The following CARMIL1 variants were observed in gnomAD, a reference collection of about 807,000 sequenced individuals.
CARMIL1 encodes capping protein regulator and myosin 1 linker 1, also known as F-actin-uncapping protein LRRC16A.
CARMIL1 carries 90 observed loss-of-function variants against 177.1 expected under a neutral mutation model. The ratio of observed to expected loss-of-function variants is 0.51; its 90% CI spans 0.43 to 0.61. The LOEUF (loss-of-function observed/expected upper bound fraction) is 0.61, where lower values mean the gene tolerates loss of function less well. Among genes scored for constraint, CARMIL1 ranks in the 20% least tolerant of loss-of-function variants. CARMIL1 has a pLI of 0.00. For synonymous variants in CARMIL1, 577 were observed against 606.2 expected, an observed-to-expected ratio of 0.95 and a Z score of 0.71; for missense variants, 1,380 against 1,667.0, an observed-to-expected ratio of 0.83 and a Z score of 3.00.
At chr6:25,407,066 C>T (rs563321329) in intron 2 of CARMIL1, among the ~76,000 whole-genome samples, 6 of 152,018 alleles carry the variant, frequency 3.9e-5, no homozygotes, top group Non-Finnish European at 7.4e-5. Flanking sequence ...GATTTAGCAG[C>T]CGTGAGGTTG....
intron 2 of CARMIL1, chr6:25,393,525 C>T (rs970935474): frequency 1.1e-4 from 16 of 147,814 alleles, no homozygotes; most frequent in African/African-American, 3.5e-4. Context: ...CATTGTACTT[C>T]AGCCTGGGCA....
At chr6:25,444,535 C>T (rs965202526) in intron 5 of CARMIL1, among the ~76,000 whole-genome samples, 7 of 152,240 alleles carry the variant, frequency 4.6e-5, no homozygotes, top group Admixed American at 4.6e-4. Context: ...GCCCCCACCG[C>T]CCGACAGGCC....
chr6:25,459,210 T>TTATCTTTCTTTC (rs1554200784), intron 8 of CARMIL1, among the ~76,000 whole-genome samples: 3 of 80,136 alleles, frequency 3.7e-5, no homozygotes, highest in African/African-American at 1.3e-4. Flanking sequence ...GATCCCAACT[T>TTATCTTTCTTTC]TTTCTTTCTT....
At chr6:25,383,070 G>C (rs1163103310) in intron 2 of CARMIL1, among the ~76,000 whole-genome samples, 1 of 152,182 alleles carries the variant, frequency 6.6e-6, no homozygotes, top group Admixed American at 6.5e-5. Context: ...AGTGGGTTGG[G>C]TTGAGTACTA....
chr6:25,408,352 C>T (rs925467887), intron 2 of CARMIL1, among the ~76,000 whole-genome samples: 1 of 147,640 alleles, frequency 6.8e-6, no homozygotes, highest in Non-Finnish European at 1.5e-5. Context: ...AATTAGAAAT[C>T]GTTTGACATG....
Position 25,610,082 on chromosome 6 carries a change from G to C in CARMIL1, c.3880G>C (p.Val1294Leu), listed in dbSNP as rs1484443928. The C allele has an allele frequency of 4.3e-6, 7 of 1,613,926 alleles. No individual in the cohort carries two copies. Among genetic ancestry groups the C allele is most frequent in the Non-Finnish European group, 5.9e-6 (7 of 1,179,866 alleles). Residue 1294 changes from valine to leucine, a missense_variant, in exon 36 of 37, where the codon GTT becomes CTT. Coordinates refer to ENST00000329474, the MANE Select transcript of CARMIL1 (RefSeq NM_017640.6). ...DIPDSPSSPK[V>L]ALLPPVLKKV... Reference sequence around the variant, plus strand: ...TCCAGACTCTCCATCTAGCCCGAAAGTTGCCCTTCTTCCACCTGTCCTGAA... The same window carrying C: ...TCCAGACTCTCCATCTAGCCCGAAACTTGCCCTTCTTCCACCTGTCCTGAA...
rs112283151 is a variant in CARMIL1, at chr6:25,390,503, G to A, written c.139-29611G>A. Among the ~76,000 whole-genome samples, 393 of 150,916 alleles carry A rather than the reference G, an allele frequency of 2.6e-3. 2 individuals carry two copies. Among genetic ancestry groups the A allele is most frequent in the African/African-American group, 8.8e-3 (364 of 41,170 alleles). ...AGCGAGCCTATTTTTATATTTTTTT[G>A]TAGAGATGGGGATTTGTCATGTTGC... On this transcript the variant is annotated intron_variant, in intron 2 of 36. Transcript: ENST00000329474.
At chr6:25,304,673 G>A (rs951922592) in intron 2 of CARMIL1, among the ~76,000 whole-genome samples, 3 of 152,176 alleles carry the variant, frequency 2.0e-5, no homozygotes, top group Non-Finnish European at 4.4e-5. Context: ...CCACAGACTG[G>A]TACTGGTCCA....
At chr6:25,325,205 G>A (rs1396686957) in intron 2 of CARMIL1, among the ~76,000 whole-genome samples, 2 of 152,190 alleles carry the variant, frequency 1.3e-5, no homozygotes, top group Non-Finnish European at 2.9e-5. Context: ...TGTGCCCTGA[G>A]ATGAGTTTTC....
chr6:25,527,052 TG>T (rs1403635618), intron 23 of CARMIL1, among the ~76,000 whole-genome samples: 7 of 152,242 alleles, frequency 4.6e-5, no homozygotes, highest in Non-Finnish European at 8.8e-5. Context: ...GTTTCGTTTT[TG>T]CTTCTTTCGC....
chr6:25,526,612 G>A (rs1303681787), intron 23 of CARMIL1, among the ~76,000 whole-genome samples: 3 of 151,570 alleles, frequency 2.0e-5, no homozygotes, highest in Admixed American at 1.3e-4. Flanking sequence ...GAGTACAGTG[G>A]TGCAGTCATG....
At chr6:25,490,511 A>T (rs998890074) in intron 13 of CARMIL1, among the ~76,000 whole-genome samples, 34 of 152,176 alleles carry the variant, frequency 2.2e-4, no homozygotes, top group Admixed American at 2.1e-3. Flanking sequence ...CAGCCTGGAC[A>T]ATATGTTGAA....
At chr6:25,435,015 A>G (rs1221245385) in intron 4 of CARMIL1, among the ~76,000 whole-genome samples, 1 of 152,232 alleles carries the variant, frequency 6.6e-6, no homozygotes, top group East Asian at 1.9e-4. Flanking sequence ...AGCCATACTT[A>G]CACTACATAG....
intron 23 of CARMIL1, among the ~76,000 whole-genome samples, chr6:25,520,966 A>G (rs533468351): frequency 6.6e-6 from 1 of 152,164 alleles, no homozygotes; most frequent in African/African-American, 2.4e-5. Flanking sequence ...ATGTGCTCAA[A>G]TATTTCCCAT....
chr6:25,594,024 A>G (rs1165912959), intron 31 of CARMIL1, among the ~76,000 whole-genome samples: 5 of 151,804 alleles, frequency 3.3e-5, no homozygotes, highest in Non-Finnish European at 7.4e-5. Flanking sequence ...TCACCCACAC[A>G]CCTCAGGGCC....
At chr6:25,304,152 A>C (rs185274402) in intron 2 of CARMIL1, among the ~76,000 whole-genome samples, 52 of 152,364 alleles carry the variant, frequency 3.4e-4, no homozygotes, top group Non-Finnish European at 6.8e-4. Context: ...AAGAAGACGT[A>C]GATTTATTAC....
chr6:25,512,007 G>T (rs546518455), intron 20 of CARMIL1, among the ~76,000 whole-genome samples: 39 of 152,238 alleles, frequency 2.6e-4, no homozygotes, highest in Middle Eastern at 6.8e-3. Context: ...AGTTTATGCT[G>T]TTTGCTTTAC....
chr6:25,523,068 G>C (rs1393343638), intron 23 of CARMIL1, among the ~76,000 whole-genome samples: 1 of 152,162 alleles, frequency 6.6e-6, no homozygotes, highest in Non-Finnish European at 1.5e-5. Context: ...CAAAGTATTG[G>C]GATTATAGGT....
intron 18 of CARMIL1, among the ~76,000 whole-genome samples, chr6:25,510,014 G>A (rs921889778): frequency 1.3e-5 from 2 of 152,156 alleles, no homozygotes; most frequent in African/African-American, 4.8e-5. Flanking sequence ...AAAAGGGTCT[G>A]AGACCAACTT....
Sources: allele counts gnomAD v4.1 joint callset (sites outside exome capture counted in the v4.1 genomes callset), GRCh38; gene constraint gnomAD v4.1.1; transcripts MANE v1.5; gene names NCBI Gene and HGNC (gene_info 2026-07-23, HGNC 2026-07-21).